The following BLTP1 variants were observed in gnomAD, a reference collection of about 807,000 sequenced individuals.
BLTP1 encodes the protein fragile site-associated protein.
chr4:122,264,110 G>A, the BLTP1 span: 1 of 1,226,236 alleles, frequency 8.2e-7, no homozygotes, highest in Non-Finnish European at 1.0e-6. Flanking sequence ...CTAAAAGTAT[G>A]CATTATTTTT....
chr4:122,197,361 T>G, the BLTP1 span: 1 of 1,041,616 alleles, frequency 9.6e-7, no homozygotes, highest in African/African-American at 1.7e-5. Context: ...AGACTAACAT[T>G]AATAAGGTTT....
chr4:122,339,710 T>C, the BLTP1 span, among the ~76,000 whole-genome samples: 2 of 152,156 alleles, frequency 1.3e-5, no homozygotes, highest in African/African-American at 4.8e-5. Context: ...AATCCACATG[T>C]TCAAGTACTT....
chr4:122,232,849 C>A, the BLTP1 span, among the ~76,000 whole-genome samples: 1 of 152,094 alleles, frequency 6.6e-6, no homozygotes, highest in African/African-American at 2.4e-5. Context: ...CAGGAACATA[C>A]AGGGATTCCT....
At chr4:122,321,427 CACAT>C in the BLTP1 span, among the ~76,000 whole-genome samples, 301 of 151,574 alleles carry the variant, frequency 2.0e-3, 1 homozygote, top group African/African-American at 7.0e-3. Flanking sequence ...TATATACACA[CACAT>C]ATATACACAT....
chr4:122,335,842 C>T, the BLTP1 span, among the ~76,000 whole-genome samples: 1 of 152,062 alleles, frequency 6.6e-6, no homozygotes. Flanking sequence ...AGCCTGAAAA[C>T]AGTGACGTTT....
At chr4:122,271,522 A>G in the BLTP1 span, 2 of 1,613,390 alleles carry the variant, frequency 1.2e-6, no homozygotes, top group Non-Finnish European at 1.7e-6. Context: ...GAAGAACATC[A>G]AAAGTGTCTA....
the BLTP1 span, chr4:122,181,130 T>C: frequency 4.7e-6 from 1 of 213,424 alleles, no homozygotes; most frequent in Non-Finnish European, 8.1e-6. Flanking sequence ...ATAAAGATTT[T>C]TGACAGATAT....
At chr4:122,238,391 G>T in the BLTP1 span, 1 of 1,517,700 alleles carries the variant, frequency 6.6e-7, no homozygotes, top group Non-Finnish European at 9.0e-7. Context: ...TCATAAATAG[G>T]ATTATAATTG....
At chr4:122,321,720 ACTT>A in the BLTP1 span, among the ~76,000 whole-genome samples, 1 of 151,760 alleles carries the variant, frequency 6.6e-6, no homozygotes, top group Non-Finnish European at 1.5e-5. Context: ...TCTCTATAAA[ACTT>A]CTTTTAACAT....
chr4:122,320,953 C>T, the BLTP1 span, among the ~76,000 whole-genome samples: 2 of 149,656 alleles, frequency 1.3e-5, no homozygotes, highest in Admixed American at 1.3e-4. Flanking sequence ...TTTTTCTTAG[C>T]ATATCAGTTA....
the BLTP1 span, chr4:122,229,373 A>G: frequency 3.1e-5 from 19 of 621,396 alleles, no homozygotes; most frequent in Admixed American, 5.6e-4. Flanking sequence ...AAAACTTTCT[A>G]ATTTTTACTA....
At chr4:122,223,679 C>G in the BLTP1 span, among the ~76,000 whole-genome samples, 2 of 152,072 alleles carry the variant, frequency 1.3e-5, no homozygotes, top group South Asian at 4.1e-4. Flanking sequence ...TGTGATTACT[C>G]ATAGAGTATG....
chr4:122,225,077 G>A, the BLTP1 span: 1 of 877,154 alleles, frequency 1.1e-6, no homozygotes, highest in Non-Finnish European at 1.4e-6. Context: ...TCTTACATAT[G>A]TTTAAAGTAG....
At chr4:122,185,117 T>G in the BLTP1 span, 1 of 983,600 alleles carries the variant, frequency 1.0e-6, no homozygotes, top group Non-Finnish European at 1.2e-6. Context: ...AGTTTAAATC[T>G]ATATTCCTGT....
chr4:122,159,872 A>AT, the BLTP1 span, among the ~76,000 whole-genome samples: 1 of 152,154 alleles, frequency 6.6e-6, no homozygotes, highest in Non-Finnish European at 1.5e-5. Context: ...ATTGAATGTT[A>AT]TTTTACCACA....
At chr4:122,286,709 A>C in the BLTP1 span, 12 of 1,614,006 alleles carry the variant, frequency 7.4e-6, no homozygotes, top group Non-Finnish European at 1.0e-5. Context: ...TATTCGGATC[A>C]GGTGTGGAGT....
chr4:122,206,037 A>G, the BLTP1 span: 1 of 983,792 alleles, frequency 1.0e-6, no homozygotes, highest in Non-Finnish European at 1.2e-6. Flanking sequence ...TGGGATTAAA[A>G]AAACTTAAAG....
At chr4:122,345,091 T>C in the BLTP1 span, 1 of 883,404 alleles carries the variant, frequency 1.1e-6, no homozygotes, top group South Asian at 5.2e-5. Context: ...TTCATAATTA[T>C]GAATCAAATA....
At chr4:122,229,997 G>A in the BLTP1 span, 1 of 1,614,098 alleles carries the variant, frequency 6.2e-7, no homozygotes, top group Non-Finnish European at 8.5e-7. Flanking sequence ...AATCAGTGCT[G>A]CAATTCAGGA....
Sources: gnomAD v4.1 joint callset for allele counts (sites outside exome capture counted in the v4.1 genomes callset) on GRCh38, gnomAD v4.1.1 for gene constraint, MANE v1.5 for transcripts, NCBI Gene and HGNC (gene_info 2026-07-23, HGNC 2026-07-21) for gene names.